Variants in PCLO observed in about 807,000 individuals in gnomAD.
PCLO encodes the protein protein piccolo.
PCLO carries 82 observed loss-of-function variants against 427.5 expected under a neutral mutation model. That is an observed-to-expected ratio of 0.19 (90% CI 0.16 to 0.23). PCLO has a LOEUF of 0.23. PCLO is among the 10% of genes least tolerant of loss of function. The pLI is 1.00. For missense variants in PCLO, 6,239 were observed against 6,115.9 expected, an observed-to-expected ratio of 1.02 and a Z score of -0.67; for synonymous variants, 2,357 against 2,155.4, an observed-to-expected ratio of 1.09 and a Z score of -2.59.
intron 3 of PCLO, among the ~76,000 whole-genome samples, chr7:83,016,349 G>T (rs113823976): frequency 6.6e-6 from 1 of 152,150 alleles, no homozygotes; most frequent in Non-Finnish European, 1.5e-5. Context: ...TTCAATTACT[G>T]TAAGAAGAAC....
At chr7:82,809,532 T>C (rs760495717) in intron 20 of PCLO, among the ~76,000 whole-genome samples, 18 of 151,688 alleles carry the variant, frequency 1.2e-4, no homozygotes, top group Admixed American at 7.9e-4. Context: ...GCAAAGCCTA[T>C]GTTTTCTCCT....
intron 3 of PCLO, among the ~76,000 whole-genome samples, chr7:83,124,082 G>A (rs561245452): frequency 2.2e-4 from 34 of 151,676 alleles, no homozygotes; most frequent in East Asian, 1.4e-3. Context: ...TTTGGGAGGC[G>A]GGCGGATCAT....
At chr7:82,939,633 A>AT (rs1314161003) in intron 6 of PCLO, among the ~76,000 whole-genome samples, 32 of 149,588 alleles carry the variant, frequency 2.1e-4, no homozygotes, top group Non-Finnish European at 3.7e-4. Context: ...ATAAATATAG[A>AT]TTTTCCACTG....
At chr7:82,811,174 A>C (rs552694397) in intron 20 of PCLO, among the ~76,000 whole-genome samples, 6 of 151,736 alleles carry the variant, frequency 4.0e-5, no homozygotes, top group Non-Finnish European at 8.9e-5. Context: ...GATTAACCGA[A>C]ATAAAAAGCA....
At chr7:82,801,487 C>A (rs754934560) in intron 22 of PCLO, 31 bp downstream of exon 22, 2 of 1,231,690 alleles carry the variant, frequency 1.6e-6, no homozygotes, top group East Asian at 2.3e-5. Context: ...GCAGATTCAG[C>A]CAAAATCCAA....
At position 82,915,020 on chromosome 7, in the gene PCLO, T is replaced by A. The variant is rs1794408951; in HGVS notation, c.12966A>T (p.Glu4322Asp). ...SSLRLKAQEA[E>D]ALDVSFSHAS... Reference sequence around the variant, plus strand: ...CATGACTAAAGGAAACATCTAGAGCTTCAGCCTCTTGAGCTTTCAGTCTTA... The same window carrying A: ...CATGACTAAAGGAAACATCTAGAGCATCAGCCTCTTGAGCTTTCAGTCTTA... The change falls in exon 7 of 25, where the codon GAA becomes GAT. Residue 4322 changes from glutamate to aspartate, a missense_variant. Glu to Asp is a conservative substitution (Grantham distance 45). Around this residue, in one of 5 missense-constraint regions of PCLO, gnomAD observed 680 missense variants for 677.3 expected, o/e 1.00. Transcript: ENST00000333891. The A allele has an allele frequency of 6.2e-7, 1 of 1,613,510 alleles. No individual in the cohort carries two copies. The highest frequency in any genetic ancestry group is 1.3e-5 in the African/African-American group (1 of 74,922).
chr7:82,969,006 T>C (rs976231069), intron 3 of PCLO, among the ~76,000 whole-genome samples: 2 of 152,196 alleles, frequency 1.3e-5, no homozygotes, highest in East Asian at 1.9e-4. Flanking sequence ...TTGGAAATTT[T>C]TGTCATTTAA....
chr7:82,916,191 G>A lies in PCLO; in HGVS notation c.11795C>T (p.Ala3932Val), dbSNP rs369899086. ...AACTTGAGGTGTGAAGGACATTGTTGCCACAGCTTGGAATGTTGGCTGAGT... is the reference window on the plus strand; with the variant it reads ...AACTTGAGGTGTGAAGGACATTGTTACCACAGCTTGGAATGTTGGCTGAGT... ...YQTQPTFQAV[A>V]TMSFTPQVQP... is the part of the protein sequence containing the mutation. The change falls in exon 7 of 25, where the codon GCA becomes GTA. Residue 3932 changes from alanine to valine, a missense_variant. By Grantham distance (64) the Ala-to-Val change is moderately conservative (BLOSUM62 0). Around this residue, in one of 5 missense-constraint regions of PCLO, gnomAD observed 680 missense variants for 677.3 expected, o/e 1.00. Transcript: ENST00000333891. The A allele has an allele frequency of 6.2e-6, 10 of 1,613,494 alleles. No individual in the cohort carries two copies. Among genetic ancestry groups the A allele is most frequent in the Non-Finnish European group, 8.5e-6 (10 of 1,179,726 alleles).
chr7:82,762,189 G>T (rs752911173), intron 22 of PCLO, among the ~76,000 whole-genome samples: 1 of 152,006 alleles, frequency 6.6e-6, no homozygotes, highest in Non-Finnish European at 1.5e-5. Flanking sequence ...AAGAGGAAAG[G>T]TTCTGAAGTA....
chr7:83,081,201 A>AT (rs1215647717), intron 3 of PCLO, among the ~76,000 whole-genome samples: 3 of 152,122 alleles, frequency 2.0e-5, no homozygotes, highest in Admixed American at 1.3e-4. Flanking sequence ...CTAAAACAAC[A>AT]TACACACATA....
chr7:82,938,736 C>T (rs1029130874), intron 6 of PCLO, among the ~76,000 whole-genome samples: 3 of 151,954 alleles, frequency 2.0e-5, no homozygotes, highest in African/African-American at 4.8e-5. Context: ...TACCAATTAA[C>T]TTTTATATGG....
At chr7:83,113,174 T>C (rs763960718) in intron 3 of PCLO, among the ~76,000 whole-genome samples, 11 of 152,176 alleles carry the variant, frequency 7.2e-5, no homozygotes, top group Non-Finnish European at 1.6e-4. Flanking sequence ...CCTCTTATCA[T>C]CATATCATTT....
intron 24 of PCLO, among the ~76,000 whole-genome samples, chr7:82,759,057 A>G (rs1790375337): frequency 6.6e-6 from 1 of 151,960 alleles, no homozygotes; most frequent in South Asian, 2.1e-4. Flanking sequence ...TTTGCCAAAT[A>G]ATTTTTTACT....
intron 3 of PCLO, among the ~76,000 whole-genome samples, chr7:83,102,965 T>C (rs372156735): frequency 6.6e-6 from 1 of 151,948 alleles, no homozygotes; most frequent in East Asian, 1.9e-4. Context: ...GAGACATTTA[T>C]TAATTTGTAT....
chr7:82,954,244 T>C lies in PCLO; in HGVS notation c.6709A>G (p.Ile2237Val), dbSNP rs751348710. ...SSSTYFPGSI[I>V]DYPEEISVSL... Reference sequence around the variant, plus strand: ...ACACTTATTTCTTCTGGATAGTCTATAATGCTGCCTGGAAAATAAGTTGAT... The same window carrying C: ...ACACTTATTTCTTCTGGATAGTCTACAATGCTGCCTGGAAAATAAGTTGAT... The change falls in exon 5 of 25, where the codon ATA becomes GTA. Residue 2237 changes from isoleucine (I) to valine (V), a missense_variant. Physicochemically the swap from Ile to Val is conservative, Grantham distance 29 (BLOSUM62 3). Transcript: ENST00000333891. The C allele has an allele frequency of 6.2e-7, 1 of 1,613,774 alleles. No homozygotes were observed. Among genetic ancestry groups the C allele is most frequent in the South Asian group, 1.1e-5 (1 of 91,074 alleles).
At chr7:83,049,193 A>G (rs1006166370) in intron 3 of PCLO, among the ~76,000 whole-genome samples, 2 of 152,298 alleles carry the variant, frequency 1.3e-5, no homozygotes, top group Admixed American at 6.5e-5. Context: ...TAATATTTTG[A>G]TGAAATAGGG....
chr7:83,029,496 CT>C (rs1788602458), intron 3 of PCLO, among the ~76,000 whole-genome samples: 1 of 114,290 alleles, frequency 8.7e-6, no homozygotes, highest in Non-Finnish European at 1.8e-5. Context: ...AATAGGAACA[CT>C]TTTACACTGT....
chr7:82,841,842 T>C (rs1792375453), intron 13 of PCLO, among the ~76,000 whole-genome samples: 1 of 152,106 alleles, frequency 6.6e-6, no homozygotes, highest in Admixed American at 6.6e-5. Flanking sequence ...ATCTATACAG[T>C]AATGTTTAAA....
intron 3 of PCLO, among the ~76,000 whole-genome samples, chr7:83,030,119 GA>G (rs199609017): frequency 0.058 from 6,090 of 104,588 alleles, 340 homozygotes; most frequent in African/African-American, 0.17. Context: ...AATAATAAAA[GA>G]AAAAAAAAAA....
Sources: gnomAD v4.1 joint callset for allele counts (sites outside exome capture counted in the v4.1 genomes callset) on GRCh38, gnomAD v4.1.1 for gene constraint, gnomAD v4.1.1 regional missense constraint, MANE v1.5 for transcripts, NCBI Gene and HGNC (gene_info 2026-07-23, HGNC 2026-07-21) for gene names.